CD99L2: variants seen among roughly 807,000 people sequenced by gnomAD.
The protein encoded by CD99L2 is CD99 molecule like 2, also known as CD99 antigen-like protein 2.
CD99L2 carries 24 observed loss-of-function variants against 27.3 expected under a neutral mutation model. The observed-to-expected ratio is 0.88, with a 90% CI of 0.64 to 1.24. CD99L2 has a LOEUF of 1.24. Among genes scored for constraint, CD99L2 ranks in the 50% most tolerant of loss-of-function variants. The pLI is 0.00. For missense variants in CD99L2, 255 were observed against 221.6 expected, an observed-to-expected ratio of 1.15 and a Z score of -0.96; for synonymous variants, 97 against 87.9, an observed-to-expected ratio of 1.10 and a Z score of -0.58.
At chrX:150,792,877 A>T (rs888503491) in intron 7 of CD99L2, among the ~76,000 whole-genome samples, 2 of 112,350 alleles carry the variant, frequency 1.8e-5, no homozygotes, top group African/African-American at 6.5e-5. Context: ...ATACTATGAT[A>T]AAAGGTTGAA....
intron 4 of CD99L2, among the ~76,000 whole-genome samples, chrX:150,810,181 A>T (rs1206306589): frequency 8.9e-6 from 1 of 112,145 alleles, no homozygotes; most frequent in Non-Finnish European, 1.9e-5. Context: ...CACTGGGAAC[A>T]TTCTCCTGGA....
At chrX:150,876,644 C>T (rs1476263001) in intron 1 of CD99L2, among the ~76,000 whole-genome samples, 1 of 112,030 alleles carries the variant, frequency 8.9e-6, no homozygotes, top group Admixed American at 9.5e-5. Flanking sequence ...TTTTTTAAAT[C>T]CTGCCTTTAT....
At chrX:150,858,563 C>A (rs2046927889) in intron 1 of CD99L2, among the ~76,000 whole-genome samples, 1 of 112,000 alleles carries the variant, frequency 8.9e-6, no homozygotes, top group Non-Finnish European at 1.9e-5. Context: ...GGAAACTATG[C>A]CAATGCCTGC....
intron 1 of CD99L2, among the ~76,000 whole-genome samples, chrX:150,839,202 C>T (rs1557421304): frequency 9.0e-6 from 1 of 111,712 alleles, no homozygotes; most frequent in African/African-American, 3.3e-5. Flanking sequence ...CACTTAATAA[C>T]CTAGCTTCCA....
chrX:150,813,023 C>T (rs1200950637), intron 4 of CD99L2, among the ~76,000 whole-genome samples: 1 of 110,814 alleles, frequency 9.0e-6, no homozygotes, highest in Non-Finnish European at 1.9e-5. Flanking sequence ...GAAATGACAA[C>T]ATTTTACAAA....
intron 1 of CD99L2, among the ~76,000 whole-genome samples, chrX:150,879,719 C>T (rs1418331757): frequency 7.5e-5 from 6 of 79,704 alleles, no homozygotes; most frequent in African/African-American, 2.6e-4. Context: ...CCAGCCTGGG[C>T]AACATGGCGA....
intron 1 of CD99L2, among the ~76,000 whole-genome samples, chrX:150,859,456 G>A (rs1465856944): frequency 1.8e-5 from 2 of 109,916 alleles, no homozygotes; most frequent in East Asian, 5.8e-4. Flanking sequence ...CCGAGATCGC[G>A]CCATTGCACT....
intron 7 of CD99L2, among the ~76,000 whole-genome samples, chrX:150,781,641 T>C (rs973224060): frequency 1.8e-5 from 2 of 112,322 alleles, no homozygotes; most frequent in African/African-American, 6.5e-5. Context: ...GCTTTGAGTA[T>C]AGATACCTAT....
intron 7 of CD99L2, among the ~76,000 whole-genome samples, chrX:150,791,631 A>G (rs2045690224): frequency 9.0e-6 from 1 of 111,453 alleles, no homozygotes; most frequent in African/African-American, 3.3e-5. Flanking sequence ...GGCCATGAGG[A>G]GTTGAAACAT....
chrX:150,839,458 T>C (rs2046588709), intron 1 of CD99L2, among the ~76,000 whole-genome samples: 2 of 112,108 alleles, frequency 1.8e-5, no homozygotes, highest in Admixed American at 1.9e-4. Flanking sequence ...AAATTAGGTC[T>C]GTAGACCAGC....
chrX:150,774,770 T>C (rs2043521997), intron 9 of CD99L2, among the ~76,000 whole-genome samples: 1 of 112,212 alleles, frequency 8.9e-6, no homozygotes, highest in East Asian at 2.8e-4. Context: ...TAAATATCAG[T>C]GTCCAGGCAA....
chrX:150,883,647 C>T (rs1557422551), intron 1 of CD99L2, among the ~76,000 whole-genome samples: 1 of 111,311 alleles, frequency 9.0e-6, no homozygotes, highest in Admixed American at 9.6e-5. Context: ...CAAATTTACC[C>T]TAGACTTCAA....
intron 4 of CD99L2, among the ~76,000 whole-genome samples, chrX:150,797,971 G>C (rs35686645): frequency 5.8e-5 from 6 of 103,030 alleles, no homozygotes; most frequent in Non-Finnish European, 1.2e-4. Flanking sequence ...CTTGAGCCCA[G>C]GTGGAGGCTG....
intron 1 of CD99L2, among the ~76,000 whole-genome samples, chrX:150,858,285 C>G (rs1183838247): frequency 8.9e-6 from 1 of 112,219 alleles, no homozygotes; most frequent in Non-Finnish European, 1.9e-5. Flanking sequence ...CTTCAACACT[C>G]CACTCTCAGT....
At chrX:150,833,279 G>A (rs887126441) in intron 1 of CD99L2, among the ~76,000 whole-genome samples, 1 of 111,140 alleles carries the variant, frequency 9.0e-6, no homozygotes, top group Non-Finnish European at 1.9e-5. Context: ...CTCCTAACCT[G>A]TACCTTGAAA....
intron 7 of CD99L2, among the ~76,000 whole-genome samples, chrX:150,792,422 A>G (rs1323544918): frequency 8.9e-6 from 1 of 111,751 alleles, no homozygotes; most frequent in Non-Finnish European, 1.9e-5. Flanking sequence ...TAAATGTTCC[A>G]TGTTATCCTG....
intron 1 of CD99L2, among the ~76,000 whole-genome samples, chrX:150,849,459 C>T (rs1017629194): frequency 1.8e-5 from 2 of 111,216 alleles, no homozygotes; most frequent in South Asian, 7.6e-4. Flanking sequence ...ACTTGGGAGG[C>T]TGAGGCAGGA....
chrX:150,817,183 A>G (rs1415281368), intron 2 of CD99L2, among the ~76,000 whole-genome samples: 2 of 105,517 alleles, frequency 1.9e-5, no homozygotes, highest in East Asian at 5.9e-4. Flanking sequence ...TGTACCCTAA[A>G]ACTTAAAGTA....
intron 1 of CD99L2, among the ~76,000 whole-genome samples, chrX:150,845,375 T>C (rs1171543947): frequency 8.9e-6 from 1 of 112,125 alleles, no homozygotes; most frequent in African/African-American, 3.2e-5. Context: ...CACAACATAA[T>C]GAGTATATTA....
Sources: allele counts gnomAD v4.1 joint callset (sites outside exome capture counted in the v4.1 genomes callset), GRCh38; gene constraint gnomAD v4.1.1; transcripts MANE v1.5; gene names NCBI Gene and HGNC (gene_info 2026-07-23, HGNC 2026-07-21).